Variants in DLC1 observed in about 807,000 individuals in gnomAD.
DLC1 encodes the protein rho GTPase-activating protein 7.
In DLC1, 54 loss-of-function variants were observed where a neutral mutation model predicts 140.3. The observed-to-expected ratio is 0.38, with a 90% confidence interval of 0.31 to 0.48. The LOEUF (loss-of-function observed/expected upper bound fraction) is 0.48, where lower values mean the gene tolerates loss of function less well. Ranked by LOEUF, DLC1 falls within the 20% of genes least tolerant of loss-of-function variation. The probability of loss-of-function intolerance (pLI) is 0.96; values close to 1 mark genes in which losing one functional copy is unlikely to be tolerated. For synonymous variants in DLC1, 986 were observed against 728.1 expected, an observed-to-expected ratio of 1.35 and a Z score of -5.70; for missense variants, 2,536 against 1,907.0, an observed-to-expected ratio of 1.33 and a Z score of -6.14.
intron 4 of DLC1, among the ~76,000 whole-genome samples, chr8:13,310,571 T>G (rs1832632400): frequency 6.6e-6 from 1 of 152,200 alleles, no homozygotes; most frequent in South Asian, 2.1e-4. Context: ...TCACATTTTT[T>G]GGGAAGACAT....
intron 5 of DLC1, among the ~76,000 whole-genome samples, chr8:13,287,662 A>G (rs1473097472): frequency 6.6e-6 from 1 of 152,142 alleles, no homozygotes; most frequent in Non-Finnish European, 1.5e-5. Flanking sequence ...TGTAAAATAA[A>G]CCTCCCAAGG....
chr8:13,110,963 T>G, intron 6 of DLC1, 140 bp from the exon 7 acceptor site: 1 of 708,454 alleles, frequency 1.4e-6, no homozygotes. Context: ...CCCGTCAAGT[T>G]CTATGGGACT....
intron 1 of DLC1, among the ~76,000 whole-genome samples, chr8:13,506,607 A>G (rs1297299248): frequency 7.0e-6 from 1 of 142,870 alleles, no homozygotes; most frequent in Non-Finnish European, 1.5e-5. Flanking sequence ...ATATATATAT[A>G]TACACATATA....
intron 4 of DLC1, among the ~76,000 whole-genome samples, chr8:13,378,368 C>G (rs539488598): frequency 2.2e-4 from 33 of 151,796 alleles, no homozygotes; most frequent in Admixed American, 1.2e-3. Flanking sequence ...TATTAATTCT[C>G]TGTAGGATTC....
chr8:13,106,867 G>A (rs1585639953), intron 7 of DLC1, among the ~76,000 whole-genome samples: 1 of 152,178 alleles, frequency 6.6e-6, no homozygotes, highest in Non-Finnish European at 1.5e-5. Context: ...ATAGCAATTT[G>A]GAATAGTTTT....
chr8:13,543,582 A>C (rs766671104), intron 1 of DLC1, among the ~76,000 whole-genome samples: 1 of 152,216 alleles, frequency 6.6e-6, no homozygotes, highest in Non-Finnish European at 1.5e-5. Context: ...TGGATAAAGA[A>C]AATGTGATAC....
chr8:13,162,943 GC>G (rs1824829543), intron 5 of DLC1, among the ~76,000 whole-genome samples: 1 of 152,132 alleles, frequency 6.6e-6, no homozygotes, highest in Non-Finnish European at 1.5e-5. Flanking sequence ...AAACAATGGG[GC>G]TTGAGGATTC....
chr8:13,239,147 C>T (rs1028879142), intron 5 of DLC1, among the ~76,000 whole-genome samples: 3 of 152,028 alleles, frequency 2.0e-5, no homozygotes, highest in Admixed American at 6.6e-5. Flanking sequence ...CTCCAGTCTA[C>T]GAAGAACAAC....
At chr8:13,201,679 T>C (rs1827387317) in intron 5 of DLC1, among the ~76,000 whole-genome samples, 1 of 152,266 alleles carries the variant, frequency 6.6e-6, no homozygotes, top group South Asian at 2.1e-4. Context: ...TCTCCAAATG[T>C]AGATTCTGGA....
chr8:13,205,449 C>T (rs939210694), intron 5 of DLC1, among the ~76,000 whole-genome samples: 2 of 152,144 alleles, frequency 1.3e-5, no homozygotes, highest in African/African-American at 4.8e-5. Context: ...GGTTCCGCGG[C>T]ATAAATGAGT....
At chr8:13,551,958 G>T (rs1803871154) in intron 1 of DLC1, among the ~76,000 whole-genome samples, 1 of 141,120 alleles carries the variant, frequency 7.1e-6, no homozygotes. Context: ...CCTCTAGACA[G>T]GTGTATATGT....
At chr8:13,206,204 A>G (rs183173387) in intron 5 of DLC1, among the ~76,000 whole-genome samples, 2 of 152,340 alleles carry the variant, frequency 1.3e-5, no homozygotes, top group Non-Finnish European at 2.9e-5. Context: ...TTGAGGAAAC[A>G]TGTTCATCTT....
chr8:13,409,158 T>G (rs934309411), intron 2 of DLC1, among the ~76,000 whole-genome samples: 1 of 152,174 alleles, frequency 6.6e-6, no homozygotes, highest in African/African-American at 2.4e-5. Flanking sequence ...TTTGTAGTTA[T>G]TATTTTTACC....
chr8:13,185,763 A>G (rs866289118), intron 5 of DLC1, among the ~76,000 whole-genome samples: 2 of 152,258 alleles, frequency 1.3e-5, no homozygotes, highest in Middle Eastern at 6.8e-3. Flanking sequence ...ACAATTTGGC[A>G]TGTTTTTGCA....
At chr8:13,495,242 C>G (rs1801447944) in intron 2 of DLC1, among the ~76,000 whole-genome samples, 1 of 152,154 alleles carries the variant, frequency 6.6e-6, no homozygotes, top group Non-Finnish European at 1.5e-5. Context: ...TTTGTACTCT[C>G]TCTAATTAGT....
intron 5 of DLC1, chr8:13,133,182 T>G: frequency 7.0e-7 from 1 of 1,431,012 alleles, no homozygotes; most frequent in Middle Eastern, 2.6e-4. Flanking sequence ...GAGGGAGCGC[T>G]CAGGGAGTTG....
chr8:13,428,746 G>T (rs1838721034), intron 2 of DLC1, among the ~76,000 whole-genome samples: 1 of 152,070 alleles, frequency 6.6e-6, no homozygotes, highest in Non-Finnish European at 1.5e-5. Flanking sequence ...AACGTGATGG[G>T]ATATGGTGGA....
intron 1 of DLC1, among the ~76,000 whole-genome samples, chr8:13,553,736 C>G (rs1803945355): frequency 6.6e-6 from 1 of 152,048 alleles, no homozygotes; most frequent in African/African-American, 2.4e-5. Flanking sequence ...TCTTCTGATT[C>G]TCTTTAGAAC....
chr8:13,443,976 G>C (rs769605600), intron 2 of DLC1, among the ~76,000 whole-genome samples: 9 of 152,112 alleles, frequency 5.9e-5, no homozygotes, highest in African/African-American at 1.9e-4. Context: ...AATCCACAAA[G>C]CATTGTATGA....
Sources: gnomAD v4.1 joint callset for allele counts (sites outside exome capture counted in the v4.1 genomes callset) on GRCh38, gnomAD v4.1.1 for gene constraint, MANE v1.5 for transcripts, NCBI Gene and HGNC (gene_info 2026-07-23, HGNC 2026-07-21) for gene names.